Variants in CCDC141 observed in about 807,000 individuals in gnomAD.
CCDC141 encodes the protein coiled-coil domain-containing protein 141.
In CCDC141, 168 loss-of-function variants were observed where a neutral mutation model predicts 181.0. The observed-to-expected ratio is 0.93, with a 90% CI of 0.82 to 1.05. The LOEUF is 1.05. CCDC141 is among the 50% of genes least tolerant of loss of function. The pLI, the probability that CCDC141 is intolerant of heterozygous loss-of-function variation, is 0.00. For missense variants in CCDC141, 1,902 were observed against 1,788.5 expected, an observed-to-expected ratio of 1.06 and a Z score of -1.14; for synonymous variants, 666 against 642.3, an observed-to-expected ratio of 1.04 and a Z score of -0.56.
At chr2:178,944,972 T>A (rs1189908224) in intron 5 of CCDC141, among the ~76,000 whole-genome samples, 5 of 152,134 alleles carry the variant, frequency 3.3e-5, no homozygotes, top group Admixed American at 6.5e-5. Context: ...TGAATTCATT[T>A]AAAATATATC....
chr2:179,022,312 A>G (rs777134725), intron 2 of CCDC141, among the ~76,000 whole-genome samples: 1 of 152,214 alleles, frequency 6.6e-6, no homozygotes, highest in Non-Finnish European at 1.5e-5. Flanking sequence ...ATACAAAAAT[A>G]GCAACAAAGA....
At chr2:178,964,171 G>T (rs1264048042) in intron 4 of CCDC141, among the ~76,000 whole-genome samples, 1 of 152,180 alleles carries the variant, frequency 6.6e-6, no homozygotes, top group Non-Finnish European at 1.5e-5. Context: ...GAAGTAAGAA[G>T]TATGATGGAG....
At chr2:179,011,358 CA>C (rs1175970663) in intron 2 of CCDC141, among the ~76,000 whole-genome samples, 1 of 152,100 alleles carries the variant, frequency 6.6e-6, no homozygotes, top group Non-Finnish European at 1.5e-5. Context: ...AAAGCAACAG[CA>C]GTTAAAAGAG....
At chr2:178,872,749 T>C (rs1004676054) in intron 12 of CCDC141, among the ~76,000 whole-genome samples, 4 of 152,230 alleles carry the variant, frequency 2.6e-5, no homozygotes, top group African/African-American at 9.6e-5. Context: ...CTGGACTGTT[T>C]TGTTTTTTCT....
chr2:178,922,149 G>C (rs1437088369), intron 6 of CCDC141, among the ~76,000 whole-genome samples: 2 of 152,158 alleles, frequency 1.3e-5, no homozygotes, highest in Non-Finnish European at 2.9e-5. Flanking sequence ...TGTCTTAACT[G>C]TCTGCAAGAT....
chr2:178,931,802 T>C (rs904192184), intron 6 of CCDC141, among the ~76,000 whole-genome samples: 1 of 152,160 alleles, frequency 6.6e-6, no homozygotes, highest in Admixed American at 6.5e-5. Flanking sequence ...TTATGTAATA[T>C]TTACTTTACC....
chr2:178,947,655 G>C (rs1011560406), intron 5 of CCDC141, among the ~76,000 whole-genome samples: 2 of 152,078 alleles, frequency 1.3e-5, no homozygotes, highest in African/African-American at 4.8e-5. Context: ...AAAAGAGATG[G>C]AGAAAAAGGA....
intron 6 of CCDC141, among the ~76,000 whole-genome samples, chr2:178,937,763 G>T (rs1269513051): frequency 6.6e-6 from 1 of 151,982 alleles, no homozygotes; most frequent in Non-Finnish European, 1.5e-5. Flanking sequence ...CTCGTTATTG[G>T]TCTGTTCTGA....
chr2:179,049,399 C>T (rs2043602234), intron 1 of CCDC141, among the ~76,000 whole-genome samples: 1 of 152,040 alleles, frequency 6.6e-6, no homozygotes, highest in African/African-American at 2.4e-5. Context: ...GCAGTGCCCT[C>T]CCCCTGTCTG....
At chr2:178,919,701 A>G (rs544030630) in intron 6 of CCDC141, among the ~76,000 whole-genome samples, 1 of 152,236 alleles carries the variant, frequency 6.6e-6, no homozygotes, top group Admixed American at 6.5e-5. Context: ...GAGAAATCAC[A>G]TGTCTTATGA....
the CCDC141 span, among the ~76,000 whole-genome samples, chr2:178,817,992 G>C: frequency 1.3e-5 from 2 of 152,048 alleles, no homozygotes; most frequent in South Asian, 4.2e-4. Context: ...TAGTAGAGAC[G>C]AGATTTCACT....
intron 2 of CCDC141, among the ~76,000 whole-genome samples, chr2:179,006,067 C>T (rs2042115369): frequency 6.6e-6 from 1 of 152,164 alleles, no homozygotes; most frequent in African/African-American, 2.4e-5. Context: ...GTCCAGGTAC[C>T]AACTATCCAG....
intron 7 of CCDC141, among the ~76,000 whole-genome samples, chr2:178,913,455 A>AT (rs75139730): frequency 1.4e-4 from 21 of 151,224 alleles, no homozygotes; most frequent in East Asian, 1.9e-4. Context: ...CATTTTAATT[A>AT]TTTTTTTTTC....
intron 17 of CCDC141, among the ~76,000 whole-genome samples, chr2:178,861,084 G>C (rs949994785): frequency 2.6e-5 from 4 of 151,838 alleles, no homozygotes; most frequent in Admixed American, 2.6e-4. Context: ...CCCAGGATGG[G>C]GCCCACTAGA....
rs575583072 is a variant in CCDC141, at chr2:178,881,890, G to GTCTCTCTC, written c.1719+3003_1719+3010dup. ...AGCCTGGGTGACAGAGTGAGACCCT[G>GTCTCTCTC]TCTCTCTCTCTCTCTCTCTCTCTCT... On this transcript the variant is annotated intron_variant, in intron 11 of 23. Coordinates refer to ENST00000443758, the MANE Select transcript of CCDC141 (RefSeq NM_173648.4). Among the ~76,000 whole-genome samples, 68 of 94,608 alleles carry GTCTCTCTC rather than the reference G, an allele frequency of 7.2e-4. 1 individual carries two copies. The highest frequency in any genetic ancestry group is 1.8e-3 in the African/African-American group (36 of 19,580). 62.1% of individuals were successfully genotyped at this position (94,608 alleles called of 152,430 possible).
intron 2 of CCDC141, among the ~76,000 whole-genome samples, chr2:179,014,377 C>T (rs2042363789): frequency 6.6e-6 from 1 of 152,012 alleles, no homozygotes; most frequent in African/African-American, 2.4e-5. Flanking sequence ...ATTTCATGAC[C>T]AAGAACCCAA....
At chr2:179,005,324 G>C (rs75570180) in intron 2 of CCDC141, among the ~76,000 whole-genome samples, 3 of 138,852 alleles carry the variant, frequency 2.2e-5, no homozygotes, top group African/African-American at 7.8e-5. Context: ...TAAAAAAAAA[G>C]GTTTAGAAAA....
At chr2:178,949,232 T>G (rs888873180) in intron 5 of CCDC141, among the ~76,000 whole-genome samples, 2 of 152,086 alleles carry the variant, frequency 1.3e-5, no homozygotes, top group African/African-American at 4.8e-5. Flanking sequence ...CCCCTGCTGG[T>G]AGATAAGAAT....
intron 17 of CCDC141, among the ~76,000 whole-genome samples, chr2:178,862,620 C>A (rs1278532720): frequency 6.6e-6 from 1 of 152,088 alleles, no homozygotes; most frequent in Non-Finnish European, 1.5e-5. Flanking sequence ...ACAAATGTAT[C>A]TTTGTGTGAA....
Sources: allele counts gnomAD v4.1 joint callset (sites outside exome capture counted in the v4.1 genomes callset), GRCh38; gene constraint gnomAD v4.1.1; transcripts MANE v1.5; gene names NCBI Gene and HGNC (gene_info 2026-07-23, HGNC 2026-07-21).